Variants in CLEC2A observed in about 807,000 individuals in gnomAD.
The protein encoded by CLEC2A is keratinocyte-associated C-type lectin.
A neutral mutation model predicts 18.6 loss-of-function variants in CLEC2A; 19 were observed. The ratio of observed to expected loss-of-function variants is 1.02; its 90% confidence interval spans 0.71 to 1.50. CLEC2A has a LOEUF of 1.50. Among genes scored for constraint, CLEC2A ranks in the 40% most tolerant of loss-of-function variants. The pLI is 0.00. For missense variants in CLEC2A, 190 were observed against 207.9 expected (o/e 0.91, Z 0.53); for synonymous variants, 74 against 64.0 (o/e 1.16, Z -0.75).
intron 1 of CLEC2A, among the ~76,000 whole-genome samples, chr12:9,932,046 C>G (rs1166828050): frequency 6.6e-6 from 1 of 152,152 alleles, no homozygotes; most frequent in African/African-American, 2.4e-5. Flanking sequence ...AATACACGTA[C>G]CATAAAATTC....
chr12:9,903,740 C>A (rs1862867790), intron 4 of CLEC2A, among the ~76,000 whole-genome samples: 2 of 152,048 alleles, frequency 1.3e-5, no homozygotes, highest in Admixed American at 1.3e-4. Flanking sequence ...TGTAATTTAT[C>A]CAATTTACAT....
chr12:9,927,423 A>G (rs1490646601), intron 1 of CLEC2A, among the ~76,000 whole-genome samples: 1 of 152,214 alleles, frequency 6.6e-6, no homozygotes, highest in East Asian at 1.9e-4. Flanking sequence ...TCTATGGTGC[A>G]TGACTATATG....
intron 4 of CLEC2A, among the ~76,000 whole-genome samples, chr12:9,906,338 GA>G (rs947323448): frequency 1.3e-5 from 2 of 152,162 alleles, no homozygotes; most frequent in Non-Finnish European, 2.9e-5. Flanking sequence ...CACTTCAGAG[GA>G]AATAGCAGCC....
At chr12:9,892,986 A>C in the CLEC2A span, 3 of 1,491,556 alleles carry the variant, frequency 2.0e-6, no homozygotes, top group Admixed American at 2.0e-5. Flanking sequence ...TTGGCTGTAA[A>C]GTTTAATTAA....
intron 3 of CLEC2A, 39 bp downstream of exon 3, chr12:9,922,027 C>T (rs688577): frequency 0.085 from 123,111 of 1,447,918 alleles, 8,009 homozygotes; most frequent in South Asian, 0.3. Context: ...TTTATACAAA[C>T]AATCTCTGAA....
At chr12:9,884,192 C>A in the CLEC2A span, among the ~76,000 whole-genome samples, 1 of 151,958 alleles carries the variant, frequency 6.6e-6, no homozygotes, top group African/African-American at 2.4e-5. Flanking sequence ...ATTATACATG[C>A]CCCTGTTTAA....
At chr12:9,899,436 A>G (rs565657170) in intron 4 of CLEC2A, among the ~76,000 whole-genome samples, 1 of 152,332 alleles carries the variant, frequency 6.6e-6, no homozygotes, top group Non-Finnish European at 1.5e-5. Context: ...CCAGGGGTCC[A>G]GGATGCATTT....
At position 9,932,308 on chromosome 12, in the gene CLEC2A, C is replaced by T. The variant is rs1354578154; in HGVS notation, c.22G>A (p.Asp8Asn). ...TGTATGAAGCCATCAGCTCTGCCAT[C>T]CCGCAGCTCTGGATTAATCATGGCA... is the stretch of plus-strand genomic sequence containing the variant. MINPELR[D>N]GRADGFIHRI... The change falls in exon 1 of 5, where the codon GAT becomes AAT. Residue 8 changes from aspartate to asparagine, a missense_variant. Coordinates refer to ENST00000455827, the MANE Select transcript of CLEC2A (RefSeq NM_001130711.2). 2 of 1,551,994 alleles carry T rather than the reference C, an allele frequency of 1.3e-6. No individual in the cohort carries two copies. Among genetic ancestry groups the T allele is most frequent in the African/African-American group, 2.7e-5 (2 of 73,168 alleles).
chr12:9,932,061 C>G (rs573597951), intron 1 of CLEC2A, among the ~76,000 whole-genome samples: 63 of 152,228 alleles, frequency 4.1e-4, no homozygotes, highest in Non-Finnish European at 7.9e-4. Context: ...AAATTCTGCC[C>G]CAAAACCTTC....
downstream of CLEC2A, among the ~76,000 whole-genome samples, chr12:9,897,302 C>T (rs1314048860): frequency 1.3e-5 from 2 of 152,108 alleles, no homozygotes; most frequent in African/African-American, 2.4e-5. Flanking sequence ...TTTCCCTCTA[C>T]CCCCTGGAAA....
In CLEC2A at chr12:9,926,339, G is replaced by C; in HGVS notation, c.60C>G (p.Pro20=). ...CAATCTTCCAGTTTTGTATCAACTT[G>C]GGAACTGCAAATTAAATCAACACAT... ...RADGFIHRIV[P]KLIQNWKIGL... is the part of the protein sequence containing the mutation. The change falls in exon 2 of 5, where the codon CCC becomes CCG. Residue 20 remains proline (P), a synonymous_variant. Transcript: ENST00000455827. The C allele has an allele frequency of 6.5e-7, 1 of 1,542,028 alleles. No homozygotes were observed. Among genetic ancestry groups the C allele is most frequent in the Non-Finnish European group, 8.8e-7 (1 of 1,138,868 alleles).
At chr12:9,928,184 G>A (rs1290211140) in intron 1 of CLEC2A, among the ~76,000 whole-genome samples, 6 of 152,104 alleles carry the variant, frequency 3.9e-5, no homozygotes, top group African/African-American at 1.4e-4. Flanking sequence ...GAAATTTAAG[G>A]GCTGGGCACA....
the CLEC2A span, chr12:9,893,144 G>A: frequency 1.3e-6 from 2 of 1,532,688 alleles, no homozygotes; most frequent in Non-Finnish European, 1.7e-6. Context: ...CACATTTACT[G>A]GTGATTCAAA....
chr12:9,910,204 T>A (rs1233572710), downstream of CLEC2A, among the ~76,000 whole-genome samples: 1 of 152,176 alleles, frequency 6.6e-6, no homozygotes, highest in African/African-American at 2.4e-5. Context: ...GCTGCTTTCT[T>A]TTATGTTTGG....
the CLEC2A span, chr12:9,881,517 A>T: frequency 9.6e-7 from 1 of 1,040,506 alleles, no homozygotes; most frequent in Admixed American, 2.2e-5. Flanking sequence ...TGTGCCAAAG[A>T]GACATATCCA....
intron 3 of CLEC2A, among the ~76,000 whole-genome samples, chr12:9,918,153 T>C (rs1018242068): frequency 7.9e-5 from 12 of 152,182 alleles, no homozygotes; most frequent in Non-Finnish European, 1.5e-5. Context: ...GCTTTTGTTG[T>C]CTTTGTCATG....
intron 1 of CLEC2A, among the ~76,000 whole-genome samples, chr12:9,928,641 A>G (rs1018445306): frequency 2.6e-5 from 4 of 152,258 alleles, no homozygotes. Flanking sequence ...AAAGGTCTGT[A>G]GTTTAGAGAT....
the CLEC2A span, chr12:9,892,916 A>AT: frequency 9.4e-7 from 1 of 1,064,348 alleles, no homozygotes; most frequent in Non-Finnish European, 1.3e-6. Flanking sequence ...AAAAAAAAAA[A>AT]TGAGTTGGAA....
chr12:9,879,149 G>GA, the CLEC2A span, among the ~76,000 whole-genome samples: 5,995 of 149,290 alleles, frequency 0.04, 182 homozygotes, highest in Non-Finnish European at 0.052. Flanking sequence ...TTTGGGAAAT[G>GA]AAAAAAAAAG....
Sources: gnomAD v4.1 joint callset for allele counts (sites outside exome capture counted in the v4.1 genomes callset) on GRCh38, gnomAD v4.1.1 for gene constraint, MANE v1.5 for transcripts, NCBI Gene and HGNC (gene_info 2026-07-23, HGNC 2026-07-21) for gene names.